LOC400499: variants seen among roughly 807,000 people sequenced by gnomAD.
the LOC400499 span, among the ~76,000 whole-genome samples, chr16:11,382,599 A>G: frequency 6.6e-6 from 1 of 152,044 alleles, no homozygotes; most frequent in Admixed American, 6.5e-5. Context: ...GTGGTGTGAG[A>G]GCAGAGAGAA....
the LOC400499 span, chr16:11,402,315 G>A: frequency 1.0e-5 from 4 of 396,694 alleles, no homozygotes; most frequent in Admixed American, 1.8e-4. Flanking sequence ...ACAAAACTCA[G>A]AAGCTACACA....
At chr16:11,412,245 G>A in the LOC400499 span, among the ~76,000 whole-genome samples, 1 of 152,194 alleles carries the variant, frequency 6.6e-6, no homozygotes, top group African/African-American at 2.4e-5. Context: ...CCTTGGCACA[G>A]CTGACATCTT....
At chr16:11,425,176 C>T in the LOC400499 span, 27 of 399,024 alleles carry the variant, frequency 6.8e-5, no homozygotes, top group African/African-American at 3.5e-4. Context: ...GCAAGCTGTC[C>T]GTGCCGGGGG....
chr16:11,455,741 G>GAAAAAA, the LOC400499 span, among the ~76,000 whole-genome samples: 1 of 131,746 alleles, frequency 7.6e-6, no homozygotes, highest in Non-Finnish European at 1.6e-5. Context: ...TCTCAAAAAA[G>GAAAAAA]AAAAAAAAAA....
chr16:11,394,363 C>T, the LOC400499 span, among the ~76,000 whole-genome samples: 2 of 152,326 alleles, frequency 1.3e-5, no homozygotes, highest in African/African-American at 4.8e-5. Context: ...GAGGGAGCCT[C>T]AGCTACCCTG....
chr16:11,511,676 T>C, the LOC400499 span, among the ~76,000 whole-genome samples: 1,123 of 152,300 alleles, frequency 7.4e-3, 14 homozygotes, highest in African/African-American at 0.026. Context: ...TGCCAGGGTC[T>C]GGGAAGATGA....
At chr16:11,495,657 G>A in the LOC400499 span, among the ~76,000 whole-genome samples, 2 of 152,212 alleles carry the variant, frequency 1.3e-5, no homozygotes, top group Admixed American at 1.3e-4. Flanking sequence ...TGGGATTACA[G>A]GCATGAGCCA....
the LOC400499 span, among the ~76,000 whole-genome samples, chr16:11,452,192 A>G: frequency 4.6e-5 from 6 of 131,406 alleles, no homozygotes; most frequent in Non-Finnish European, 4.8e-5. Flanking sequence ...CTGGTTGCTC[A>G]GTTTTTTTGT....
chr16:11,457,561 C>G, the LOC400499 span, among the ~76,000 whole-genome samples: 2 of 148,364 alleles, frequency 1.3e-5, no homozygotes, highest in Non-Finnish European at 3.0e-5. Flanking sequence ...CCACTGCACT[C>G]CAGCCTGGGC....
the LOC400499 span, chr16:11,392,721 G>T: frequency 8.3e-3 from 7,890 of 953,880 alleles, 177 homozygotes; most frequent in African/African-American, 0.058. Flanking sequence ...ATGCCATAAG[G>T]CTTCAGGGGG....
the LOC400499 span, among the ~76,000 whole-genome samples, chr16:11,378,604 C>G: frequency 1.5e-4 from 23 of 152,272 alleles, no homozygotes; most frequent in African/African-American, 5.5e-4. Flanking sequence ...ACAAATTTCC[C>G]TCATAGCACT....
At chr16:11,392,493 C>G in the LOC400499 span, 1 of 399,116 alleles carries the variant, frequency 2.5e-6, no homozygotes, top group Non-Finnish European at 4.4e-6. Context: ...ACACTCTCCT[C>G]TCTGCCCCCT....
At chr16:11,454,017 A>G in the LOC400499 span, among the ~76,000 whole-genome samples, 21,499 of 152,172 alleles carry the variant, frequency 0.14, 3,316 homozygotes, top group African/African-American at 0.34. Context: ...GTACAATGGA[A>G]GAACATAGAT....
chr16:11,452,263 G>T, the LOC400499 span, among the ~76,000 whole-genome samples: 1 of 131,260 alleles, frequency 7.6e-6, no homozygotes, highest in African/African-American at 3.0e-5. Context: ...TCATTACATT[G>T]GGCTGGGCCA....
the LOC400499 span, among the ~76,000 whole-genome samples, chr16:11,380,673 C>G: frequency 3.3e-5 from 5 of 151,326 alleles, no homozygotes; most frequent in African/African-American, 4.9e-5. Flanking sequence ...TGTCTGGTGT[C>G]CAAGAGGGGA....
chr16:11,508,806 A>C, the LOC400499 span: 3 of 399,092 alleles, frequency 7.5e-6, no homozygotes, highest in Non-Finnish European at 1.3e-5. Flanking sequence ...CCTCCCACTC[A>C]TACAGCAGGC....
chr16:11,445,795 G>A, the LOC400499 span, among the ~76,000 whole-genome samples: 1 of 151,956 alleles, frequency 6.6e-6, no homozygotes, highest in Admixed American at 6.6e-5. Flanking sequence ...GACTGTACTA[G>A]GGAGGACCAA....
chr16:11,435,911 T>A, the LOC400499 span: 1 of 398,772 alleles, frequency 2.5e-6, no homozygotes, highest in Non-Finnish European at 4.4e-6. Flanking sequence ...ACAGGAAGGG[T>A]CTATGGGATC....
At chr16:11,396,808 C>T in the LOC400499 span, 2 of 706,804 alleles carry the variant, frequency 2.8e-6, no homozygotes, top group Non-Finnish European at 3.9e-6. Context: ...CACAGCTGAC[C>T]TCTAAGAAAC....
Sources: gnomAD v4.1 joint callset for allele counts (sites outside exome capture counted in the v4.1 genomes callset) on GRCh38, gnomAD v4.1.1 for gene constraint, MANE v1.5 for transcripts.